The following FAM83B variants were observed in gnomAD, a reference collection of about 807,000 sequenced individuals.
FAM83B encodes protein FAM83B.
Under a neutral mutation model 38.8 loss-of-function variants are expected in FAM83B, and 26 were observed. That is an observed-to-expected ratio of 0.67 (90% CI 0.49 to 0.93). The LOEUF is 0.93. FAM83B is among the 40% of genes least tolerant of loss of function. The pLI, the probability that FAM83B is intolerant of heterozygous loss-of-function variation, is 0.00. For missense variants in FAM83B, 1,237 were observed against 1,197.3 expected, an observed-to-expected ratio of 1.03 and a Z score of -0.49; for synonymous variants, 419 against 423.1, an observed-to-expected ratio of 0.99 and a Z score of 0.12.
intron 2 of FAM83B, among the ~76,000 whole-genome samples, chr6:54,903,175 C>T (rs573170890): frequency 3.3e-5 from 5 of 152,174 alleles, no homozygotes; most frequent in South Asian, 2.1e-4. Context: ...CCATTATATA[C>T]GTGTACCATA....
At chr6:54,919,575 T>A (rs1773125191) in intron 2 of FAM83B, among the ~76,000 whole-genome samples, 1 of 152,046 alleles carries the variant, frequency 6.6e-6, no homozygotes, top group Non-Finnish European at 1.5e-5. Flanking sequence ...TTAATCCAAT[T>A]GCTAAAAACT....
Position 54,870,634 on chromosome 6 carries a change from G to A in FAM83B, c.388G>A (p.Ala130Thr), listed in dbSNP as rs769246930. ...AGATCTCCTTTTTCATCCACCAAGAGCACATCTACTTACGATAAAAGAAAC... is the reference window on the plus strand; with the variant it reads ...AGATCTCCTTTTTCATCCACCAAGAACACATCTACTTACGATAAAAGAAAC... ...HIDLLFHPPR[A>T]HLLTIKETIR... Residue 130 changes from alanine (A) to threonine (T), a missense_variant, in exon 2 of 5, where the codon GCA (alanine) becomes ACA (threonine). Physicochemically the swap from Ala to Thr is moderately conservative, Grantham distance 58. Coordinates refer to ENST00000306858, the MANE Select transcript of FAM83B (RefSeq NM_001010872.3). 1.2e-6 allele frequency: 2 copies of A among 1,613,360 alleles called. No homozygotes were observed. Among genetic ancestry groups the A allele is most frequent in the Non-Finnish European group, 8.5e-7 (1 of 1,179,784 alleles).
chr6:54,920,453 T>C (rs1174613878), intron 2 of FAM83B, among the ~76,000 whole-genome samples: 1 of 151,880 alleles, frequency 6.6e-6, no homozygotes, highest in Non-Finnish European at 1.5e-5. Flanking sequence ...GTGAGGGTGA[T>C]AGTGACAGTT....
intron 2 of FAM83B, among the ~76,000 whole-genome samples, chr6:54,915,878 T>A (rs990529501): frequency 6.7e-6 from 1 of 150,338 alleles, no homozygotes; most frequent in Non-Finnish European, 1.5e-5. Context: ...TACAAACACG[T>A]TAATTTTCTC....
chr6:54,936,428 T>A (rs975903334), intron 4 of FAM83B, among the ~76,000 whole-genome samples: 8 of 152,112 alleles, frequency 5.3e-5, no homozygotes, highest in African/African-American at 1.9e-4. Flanking sequence ...CTACTTTGGT[T>A]GGGCTCTTAC....
chr6:54,916,019 A>G (rs899153583), intron 2 of FAM83B, among the ~76,000 whole-genome samples: 53 of 152,088 alleles, frequency 3.5e-4, no homozygotes, highest in African/African-American at 1.2e-3. Flanking sequence ...TACCATTACA[A>G]TCTTTCTAGC....
At chr6:54,912,705 G>A (rs1772938189) in intron 2 of FAM83B, among the ~76,000 whole-genome samples, 1 of 151,898 alleles carries the variant, frequency 6.6e-6, no homozygotes, top group South Asian at 2.1e-4. Context: ...TAGCCTGATG[G>A]CCCCCTGAAA....
At chr6:54,851,805 G>A (rs1367808768) in intron 1 of FAM83B, among the ~76,000 whole-genome samples, 2 of 150,322 alleles carry the variant, frequency 1.3e-5, no homozygotes, top group African/African-American at 4.9e-5. Flanking sequence ...CCGCCACTAC[G>A]CCCGGCTAAT....
At chr6:54,855,016 A>T (rs1004203821) in intron 1 of FAM83B, among the ~76,000 whole-genome samples, 3 of 152,172 alleles carry the variant, frequency 2.0e-5, no homozygotes, top group African/African-American at 7.2e-5. Context: ...CTTTGCTTTA[A>T]TTGTATCCAA....
At chr6:54,891,296 C>T (rs2127580361) in intron 2 of FAM83B, among the ~76,000 whole-genome samples, 1 of 152,132 alleles carries the variant, frequency 6.6e-6, no homozygotes, top group East Asian at 1.9e-4. Context: ...CTTGTAATAT[C>T]CTTTAGTCTC....
intron 1 of FAM83B, among the ~76,000 whole-genome samples, chr6:54,865,481 G>A (rs1487057729): frequency 1.3e-5 from 2 of 152,140 alleles, no homozygotes; most frequent in African/African-American, 2.4e-5. Flanking sequence ...CACATTCACC[G>A]GTAATGCAGG....
At chr6:54,939,568 A>T (rs1773606037) in intron 4 of FAM83B, 138 bp from the exon 5 acceptor site, 1 of 791,596 alleles carries the variant, frequency 1.3e-6, no homozygotes, top group East Asian at 2.9e-5. Flanking sequence ...TAGTGCATGT[A>T]ATGACGGAAA....
Position 54,944,367 on chromosome 6 carries a change from A to G in FAM83B, c.*2360A>G, listed in dbSNP as rs956272826. On this transcript the variant is annotated 3_prime_UTR_variant, in exon 5 of 5. Coordinates refer to ENST00000306858, the MANE Select transcript of FAM83B (RefSeq NM_001010872.3). ...TGGTAATGCAGCTTTTACTGTCTAC[A>G]TGGTACTGTACATTAGTTTTTAAGC... 6.6e-6 allele frequency: 1 copy of G among 152,196 alleles called. No homozygotes were observed. Among genetic ancestry groups the G allele is most frequent in the Non-Finnish European group, 1.5e-5 (1 of 68,028 alleles). The allele number at this position is 152,196 out of a possible 1,614,324, so 9.4% of individuals were successfully genotyped here. A position where few individuals can be genotyped will look rare whatever the true frequency, so the allele number is the denominator to read the frequency against.
At chr6:54,863,176 C>A (rs1461142059) in intron 1 of FAM83B, among the ~76,000 whole-genome samples, 1 of 152,098 alleles carries the variant, frequency 6.6e-6, no homozygotes. Flanking sequence ...ATAGGACCCT[C>A]TCCAAAAATG....
At chr6:54,921,400 A>G (rs1773164309) in intron 2 of FAM83B, among the ~76,000 whole-genome samples, 1 of 151,764 alleles carries the variant, frequency 6.6e-6, no homozygotes, top group African/African-American at 2.4e-5. Context: ...TTAGTACTGT[A>G]AGAAAGATAA....
At chr6:54,848,082 G>C (rs1266741616) in intron 1 of FAM83B, among the ~76,000 whole-genome samples, 1 of 150,920 alleles carries the variant, frequency 6.6e-6, no homozygotes, top group Non-Finnish European at 1.5e-5. Context: ...GAGAAAACTG[G>C]GGTTTTTTGT....
rs539694938 is a variant in FAM83B at position 54,905,088 on chromosome 6, T to C, written c.445-21283T>C. On this transcript the variant is annotated intron_variant, in intron 2 of 4. Coordinates refer to ENST00000306858, the MANE Select transcript of FAM83B (RefSeq NM_001010872.3). ...GTAGTTGCAGGGCACCTAGTGGGAA[T>C]AAAGTCTTCTCTGTTTCTACTCAAA... is the stretch of plus-strand genomic sequence containing the variant. Among the ~76,000 whole-genome samples, 3 of 151,454 alleles carry C rather than the reference T, an allele frequency of 2.0e-5. No individual in the cohort carries two copies. The East Asian group carries it at 6.0e-4, about 30-fold the overall frequency.
At position 54,915,581 on chromosome 6, in the gene FAM83B, T is replaced by C. The variant is rs897734159; in HGVS notation, c.445-10790T>C. Among the ~76,000 whole-genome samples, 374 of 88,894 alleles carry C rather than the reference T, an allele frequency of 4.2e-3. 95 individuals carry two copies. The highest frequency in any genetic ancestry group is 0.027 in the African/African-American group (355 of 13,124). The allele number at this position is 88,894 out of a possible 152,430, so 58.3% of individuals were successfully genotyped here. A position where few individuals can be genotyped will look rare whatever the true frequency, so the allele number is the denominator to read the frequency against. The stretch of plus-strand genomic sequence containing the variant: ...CAGCACTTTGGGAGGCCGAGGCGGG[T>C]GGATCATGAGGTCAGGAGATCGAGA... On this transcript the variant is annotated intron_variant, in intron 2 of 4. Transcript: ENST00000306858.
chr6:54,859,987 A>G (rs1473601274), intron 1 of FAM83B, among the ~76,000 whole-genome samples: 1 of 152,196 alleles, frequency 6.6e-6, no homozygotes, highest in African/African-American at 2.4e-5. Flanking sequence ...CAGAAAAGTG[A>G]AAAGAAGCTT....
Sources: gnomAD v4.1 joint callset for allele counts (sites outside exome capture counted in the v4.1 genomes callset) on GRCh38, gnomAD v4.1.1 for gene constraint, MANE v1.5 for transcripts, NCBI Gene and HGNC (gene_info 2026-07-23, HGNC 2026-07-21) for gene names.